The following POLDIP3 variants were observed in gnomAD, a reference collection of about 807,000 sequenced individuals.
POLDIP3 encodes polymerase delta-interacting protein 3.
Under a neutral mutation model 45.1 loss-of-function variants are expected in POLDIP3, and 14 were observed. The observed-to-expected ratio is 0.31, with a 90% CI of 0.20 to 0.49. The LOEUF is 0.49. Among genes scored for constraint, POLDIP3 ranks in the 20% least tolerant of loss-of-function variants. The pLI is 0.99. For missense variants in POLDIP3, 511 were observed against 538.8 expected (o/e 0.95, Z 0.51); for synonymous variants, 223 against 205.2 (o/e 1.09, Z -0.74).
intron 1 of POLDIP3, among the ~76,000 whole-genome samples, chr22:42,610,397 C>A (rs571978434): frequency 1.3e-5 from 2 of 152,178 alleles, no homozygotes; most frequent in African/African-American, 4.8e-5. Flanking sequence ...TCCACCCTGT[C>A]CCCCAACAAC....
At chr22:42,593,052 C>A (rs1027198064) in intron 6 of POLDIP3, among the ~76,000 whole-genome samples, 1 of 152,206 alleles carries the variant, frequency 6.6e-6, no homozygotes, top group African/African-American at 2.4e-5. Flanking sequence ...ATGCTCAAGT[C>A]CCTGCTATAA....
intron 8 of POLDIP3, 36 bp from the exon 9 acceptor site, chr22:42,586,004 A>C: frequency 1.3e-6 from 2 of 1,548,480 alleles, no homozygotes; most frequent in Non-Finnish European, 1.7e-6. Context: ...AATTCTTGTC[A>C]GTTTTTCCTT....
chr22:42,598,790 C>G (rs1926163373), intron 4 of POLDIP3, among the ~76,000 whole-genome samples: 1 of 152,222 alleles, frequency 6.6e-6, no homozygotes, highest in Non-Finnish European at 1.5e-5. Flanking sequence ...GTGGCTGCCA[C>G]AAGGACCCAC....
In POLDIP3 at chr22:42,585,818, C is replaced by G; in HGVS notation, c.1239G>C (p.Gln413His). ...AAAGCTTGATTTTGAATTCTGTGGG[C>G]TGCGTGGTCACAGAGGCCCCTGAGG... The part of the protein sequence containing the change: ...FKSSGASVTT[Q>H]PTEFKIKL Residue 413 changes from glutamine (Q) to histidine (H), a missense_variant, in exon 9 of 9, where the codon CAG becomes CAC. By Grantham distance (24) the Gln-to-His change is conservative. This residue lies in a region of POLDIP3 where 22 missense variants were observed against 34.1 expected (regional missense o/e 0.64). Coordinates refer to ENST00000252115, the MANE Select transcript of POLDIP3 (RefSeq NM_032311.5). The G allele has an allele frequency of 6.2e-7, 1 of 1,612,472 alleles. No homozygotes were observed. Among genetic ancestry groups the G allele is most frequent in the Non-Finnish European group, 8.5e-7 (1 of 1,179,864 alleles).
chr22:42,596,446 G>A, intron 4 of POLDIP3, 81 bp from the exon 5 acceptor site: 6 of 1,390,252 alleles, frequency 4.3e-6, no homozygotes, highest in South Asian at 4.0e-5. Context: ...ACAACTTGCT[G>A]AGAGCATGAA....
At chr22:42,614,709 C>T in intron 1 of POLDIP3, 90 bp downstream of exon 1, 1 of 1,433,758 alleles carries the variant, frequency 7.0e-7, no homozygotes, top group Non-Finnish European at 9.8e-7. Context: ...GCACCCGGTC[C>T]TCCGCGTCGC....
chr22:42,594,533 A>G (rs1925867060), intron 6 of POLDIP3, among the ~76,000 whole-genome samples: 1 of 152,148 alleles, frequency 6.6e-6, no homozygotes, highest in Admixed American at 6.5e-5. Flanking sequence ...AAACAAAACA[A>G]AAAGATTTAA....
intron 1 of POLDIP3, among the ~76,000 whole-genome samples, chr22:42,611,400 A>C (rs1479630175): frequency 1.3e-5 from 2 of 152,208 alleles, no homozygotes; most frequent in East Asian, 1.9e-4. Flanking sequence ...ACATTCCACA[A>C]ATGTGATCCT....
chr22:42,603,191 T>G (rs749974562), intron 1 of POLDIP3, 31 bp from the exon 2 acceptor site: 2 of 1,602,194 alleles, frequency 1.2e-6, no homozygotes, highest in Non-Finnish European at 1.7e-6. Flanking sequence ...CAATATTAAG[T>G]GGATCTGGGT....
rs1190553811 is a variant in POLDIP3, at chr22:42,584,245, T to A, written c.*1546A>T. ...CACCCACTTGAAAGGGTTAGGAGAA[T>A]AAAAAGCAGCATTCTTTAAAGAACT... is the stretch of plus-strand genomic sequence containing the variant. On this transcript the variant is annotated 3_prime_UTR_variant, in exon 9 of 9. Transcript: ENST00000252115. 6.5e-6 allele frequency: 1 copy of A among 153,498 alleles called. No individual in the cohort carries two copies. The highest frequency in any genetic ancestry group is 2.4e-5 in the African/African-American group (1 of 41,414). The allele number at this position is 153,498 out of a possible 1,614,324, so 9.5% of individuals were successfully genotyped here.
intron 1 of POLDIP3, among the ~76,000 whole-genome samples, chr22:42,605,177 G>T (rs543068637): frequency 5.9e-5 from 9 of 152,328 alleles, no homozygotes; most frequent in African/African-American, 2.2e-4. Context: ...ATCCAGGCTG[G>T]AGTGCAGTGG....
chr22:42,592,601 G>T (rs139378948), intron 6 of POLDIP3, among the ~76,000 whole-genome samples: 1 of 152,322 alleles, frequency 6.6e-6, no homozygotes, highest in African/African-American at 2.4e-5. Flanking sequence ...CTCTAAGTCA[G>T]ACCTGAGTTT....
chr22:42,611,111 G>A (rs1043601992), intron 1 of POLDIP3, among the ~76,000 whole-genome samples: 1 of 152,190 alleles, frequency 6.6e-6, no homozygotes, highest in Admixed American at 6.5e-5. Context: ...ATTAGTCAAG[G>A]AATCTTTTAA....
Position 42,596,371 on chromosome 22 carries a change from C to T in POLDIP3, c.634-6G>A. 12 of 1,611,970 alleles carry T rather than the reference C, an allele frequency of 7.4e-6. No individual in the cohort carries two copies. Among genetic ancestry groups the T allele is most frequent in the Non-Finnish European group, 9.3e-6 (11 of 1,179,118 alleles). On this transcript the variant is annotated splice_region_variant and splice_polypyrimidine_tract_variant and intron_variant, in intron 4 of 8. Transcript: ENST00000252115. ...TTGGAACTGCTTAGCCCAGCCTAAA[C>T]GAAGAGACAGAAAAGAATCTGAGAA...
intron 7 of POLDIP3, among the ~76,000 whole-genome samples, chr22:42,589,626 A>G (rs1925544029): frequency 6.6e-6 from 1 of 152,146 alleles, no homozygotes; most frequent in African/African-American, 2.4e-5. Flanking sequence ...CCTGGCCAAC[A>G]TGAGGTCAGG....
intron 1 of POLDIP3, among the ~76,000 whole-genome samples, chr22:42,614,508 C>T (rs1391844979): frequency 6.6e-6 from 1 of 152,196 alleles, no homozygotes; most frequent in African/African-American, 2.4e-5. Flanking sequence ...GACCCCAGGA[C>T]CCCGGAACGC....
Position 42,588,578 on chromosome 22 carries a change from C to A in POLDIP3, c.1022-1006G>T, listed in dbSNP as rs1277246049. On this transcript the variant is annotated intron_variant, in intron 7 of 8. Transcript: ENST00000252115. Reference sequence around the variant, plus strand: ...AGATTGAATTCAAATAAAAAAAAAACCAGTAAGATCTAACTATACACTCTC... The same window carrying A: ...AGATTGAATTCAAATAAAAAAAAAAACAGTAAGATCTAACTATACACTCTC... 2.7e-5 allele frequency among the ~76,000 whole-genome samples: 4 copies of A among 150,840 alleles called. 1 individual carries two copies. In the East Asian group the frequency reaches 7.7e-4, roughly 29 times the overall value.
intron 1 of POLDIP3, among the ~76,000 whole-genome samples, chr22:42,610,694 G>A (rs918635270): frequency 4.6e-5 from 7 of 152,198 alleles, no homozygotes; most frequent in Non-Finnish European, 7.3e-5. Flanking sequence ...CTTGAGTCCA[G>A]GAGTTCGAAA....
At chr22:42,590,353 G>C (rs1925586473) in intron 7 of POLDIP3, among the ~76,000 whole-genome samples, 1 of 151,982 alleles carries the variant, frequency 6.6e-6, no homozygotes. Context: ...CACGCGCCCA[G>C]CTAATTTATT....
Sources: gnomAD v4.1 joint callset for allele counts (sites outside exome capture counted in the v4.1 genomes callset) on GRCh38, gnomAD v4.1.1 for gene constraint, gnomAD v4.1.1 regional missense constraint, MANE v1.5 for transcripts, NCBI Gene and HGNC (gene_info 2026-07-23, HGNC 2026-07-21) for gene names.